Variants in ZC3H8 observed in about 807,000 individuals in gnomAD.
ZC3H8 encodes zinc finger CCCH-type containing 8.
In ZC3H8, 27 loss-of-function variants were observed where a neutral mutation model predicts 42.5. The ratio of observed to expected loss-of-function variants is 0.64; its 90% confidence interval spans 0.47 to 0.88. ZC3H8 has a LOEUF of 0.88. Ranked by LOEUF, ZC3H8 falls within the 40% of genes least tolerant of loss-of-function variation. The pLI, the probability that ZC3H8 is intolerant of heterozygous loss-of-function variation, is 0.00. For missense variants in ZC3H8, 277 were observed against 336.1 expected, an observed-to-expected ratio of 0.82 and a Z score of 1.37; for synonymous variants, 101 against 110.1, an observed-to-expected ratio of 0.92 and a Z score of 0.52.
chr2:112,220,391 T>C (rs1684531451), intron 8 of ZC3H8, among the ~76,000 whole-genome samples: 2 of 152,218 alleles, frequency 1.3e-5, no homozygotes, highest in Non-Finnish European at 2.9e-5. Flanking sequence ...AAGGATGTAA[T>C]TTTCCTTTGC....
chr2:112,224,085 G>A (rs985942762), intron 8 of ZC3H8, among the ~76,000 whole-genome samples: 16 of 152,164 alleles, frequency 1.1e-4, no homozygotes, highest in Non-Finnish European at 2.2e-4. Context: ...GTTGTGGTGA[G>A]CTGAGATAGA....
At chr2:112,254,134 G>A in intron 1 of ZC3H8, 1 of 985,314 alleles carries the variant, frequency 1.0e-6, no homozygotes, top group Non-Finnish European at 1.2e-6. Flanking sequence ...GGTAAAATTT[G>A]AGATAGAGTG....
At chr2:112,231,020 C>T in intron 7 of ZC3H8, 70 bp from the exon 8 acceptor site, 15 of 955,838 alleles carry the variant, frequency 1.6e-5, no homozygotes, top group Non-Finnish European at 1.9e-5. Context: ...CTGTCATATT[C>T]ATAACTTTCA....
At chr2:112,236,188 C>T (rs886071580) in intron 4 of ZC3H8, among the ~76,000 whole-genome samples, 3 of 151,918 alleles carry the variant, frequency 2.0e-5, no homozygotes, top group Admixed American at 1.3e-4. Flanking sequence ...CACTTGAACC[C>T]GAGAGGCGGA....
At chr2:112,236,519 G>C in intron 4 of ZC3H8, 43 bp downstream of exon 4, 1 of 1,600,154 alleles carries the variant, frequency 6.2e-7, no homozygotes, top group Non-Finnish European at 8.5e-7. Context: ...AAGTCCAAAA[G>C]CATGCAGGGG....
chr2:112,237,863 G>A (rs556575823), intron 3 of ZC3H8, among the ~76,000 whole-genome samples: 1 of 152,180 alleles, frequency 6.6e-6, no homozygotes, highest in South Asian at 2.1e-4. Context: ...CACCATGCCT[G>A]GCCAAAAATT....
At chr2:112,244,126 T>C (rs145062317) in intron 2 of ZC3H8, among the ~76,000 whole-genome samples, 2 of 151,904 alleles carry the variant, frequency 1.3e-5, no homozygotes, top group African/African-American at 4.8e-5. Context: ...CACAATCGCA[T>C]AGAATTAAGA....
chr2:112,243,899 T>C (rs149961106), intron 2 of ZC3H8, among the ~76,000 whole-genome samples: 1 of 151,682 alleles, frequency 6.6e-6, no homozygotes, highest in African/African-American at 2.4e-5. Context: ...CACAAAGATA[T>C]TAAAAAATAT....
At chr2:112,226,111 A>C (rs2104647743) in intron 8 of ZC3H8, among the ~76,000 whole-genome samples, 1 of 152,182 alleles carries the variant, frequency 6.6e-6, no homozygotes, top group South Asian at 2.1e-4. Flanking sequence ...TTTATGATAC[A>C]GAATTCAAAA....
In ZC3H8 at chr2:112,211,941, C is replaced by G. The variant is rs1167576403; in HGVS notation, c.*4543G>C. 2.0e-5 allele frequency: 3 copies of G among 152,146 alleles called. No homozygotes were observed. Among genetic ancestry groups the G allele is most frequent in the Non-Finnish European group, 2.9e-5 (2 of 68,034 alleles). The allele number at this position is 152,146 out of a possible 1,614,324, so 9.4% of individuals were successfully genotyped here. ...ACCCTTCTAAATATATCTACTCTTC[C>G]TAGTTTTCTGCTCCTTATTATGAAA... On this transcript the variant is annotated 3_prime_UTR_variant, in exon 9 of 9. Transcript: ENST00000409573.
At chr2:112,251,450 T>C (rs750704018) in intron 1 of ZC3H8, among the ~76,000 whole-genome samples, 4 of 152,226 alleles carry the variant, frequency 2.6e-5, no homozygotes, top group Non-Finnish European at 5.9e-5. Context: ...TGAATCTTTA[T>C]AGCTATAGTT....
chr2:112,254,314 G>A (rs1393889020), intron 1 of ZC3H8, among the ~76,000 whole-genome samples: 2 of 152,242 alleles, frequency 1.3e-5, no homozygotes, highest in Non-Finnish European at 2.9e-5. Context: ...CTGACCAAGA[G>A]TCTCACTTGC....
chr2:112,226,504 G>T (rs1343740192), intron 8 of ZC3H8, among the ~76,000 whole-genome samples: 2 of 150,280 alleles, frequency 1.3e-5, no homozygotes, highest in Non-Finnish European at 3.0e-5. Context: ...CAGGAGAATG[G>T]TGTGAACCCG....
Position 112,238,480 on chromosome 2 carries a change from T to C in ZC3H8, c.205A>G (p.Arg69Gly). 1.2e-6 allele frequency: 2 copies of C among 1,612,558 alleles called. No individual in the cohort carries two copies. Among genetic ancestry groups the C allele is most frequent in the South Asian group, 1.1e-5 (1 of 90,784 alleles). ...CTATATACATCATAGTCCTTACTTC[T>C]TGATTTTCTATGCAGCGAACTTTTT... Reference protein sequence around the residue: ...SPKSSLHRKSRSKDYDVYSDN... With the variant: ...SPKSSLHRKSGSKDYDVYSDN... The change falls in exon 3 of 9, where the codon AGA (arginine) becomes GGA (glycine). Residue 69 changes from arginine (R) to glycine (G), a missense_variant. By Grantham distance (125) the Arg-to-Gly change is moderately radical. Transcript: ENST00000409573.
chr2:112,250,281 A>G lies in ZC3H8; in HGVS notation c.75-9T>C. ...CTATTTCATCATCGATTCTGTAGCAAAAATATCAAATAACACAAAAGAGTT... is the reference window on the plus strand; with the variant it reads ...CTATTTCATCATCGATTCTGTAGCAGAAATATCAAATAACACAAAAGAGTT... On this transcript the variant is annotated splice_polypyrimidine_tract_variant and intron_variant, in intron 1 of 8. Coordinates refer to ENST00000409573, the MANE Select transcript of ZC3H8 (RefSeq NM_032494.3). 1 of 1,540,812 alleles carries G rather than the reference A, an allele frequency of 6.5e-7. No individual in the cohort carries two copies. The highest frequency in any genetic ancestry group is 8.8e-7 in the Non-Finnish European group (1 of 1,141,300).
intron 4 of ZC3H8, 24 bp from the exon 5 acceptor site, chr2:112,234,260 C>T: frequency 6.8e-7 from 1 of 1,481,204 alleles, no homozygotes; most frequent in Non-Finnish European, 9.2e-7. Context: ...AACAAAAAAA[C>T]TAAATGTAAG....
intron 6 of ZC3H8, among the ~76,000 whole-genome samples, chr2:112,232,487 TCTTATAA>T (rs1685139783): frequency 6.6e-6 from 1 of 152,114 alleles, no homozygotes; most frequent in Non-Finnish European, 1.5e-5. Context: ...TCATATCCAT[TCTTATAA>T]TAGAGTACAG....
rs568446314 is a variant in ZC3H8, at chr2:112,230,098, T to G, written c.*15+805A>C. Among the ~76,000 whole-genome samples the G allele has an allele frequency of 9.8e-5, 15 of 152,292 alleles. No individual in the cohort carries two copies. The South Asian group carries it at 2.9e-3, about 29-fold the overall frequency. On this transcript the variant is annotated intron_variant, in intron 8 of 8. Transcript: ENST00000409573. Reference sequence around the variant, plus strand: ...ATGGGCAAAGACATTAACAGGCATTTCACCAAAGATGAAACTCAAAAACCA... The same window carrying G: ...ATGGGCAAAGACATTAACAGGCATTGCACCAAAGATGAAACTCAAAAACCA...
intron 3 of ZC3H8, 73 bp downstream of exon 3, chr2:112,238,242 C>A: frequency 7.0e-7 from 1 of 1,431,658 alleles, no homozygotes; most frequent in Non-Finnish European, 9.5e-7. Flanking sequence ...AAGAAAAATC[C>A]TCTGTCCGTA....
Sources: allele counts gnomAD v4.1 joint callset (sites outside exome capture counted in the v4.1 genomes callset), GRCh38; gene constraint gnomAD v4.1.1; transcripts MANE v1.5; gene names NCBI Gene and HGNC (gene_info 2026-07-23, HGNC 2026-07-21).